ARHGAP15: variants seen among roughly 807,000 people sequenced by gnomAD.
The protein encoded by ARHGAP15 is Rho GTPase activating protein 15.
Under a neutral mutation model 63.7 loss-of-function variants are expected in ARHGAP15, and 51 were observed. The observed-to-expected ratio is 0.80, with a 90% CI of 0.64 to 1.01. ARHGAP15 has a LOEUF of 1.01. Ranked by LOEUF, ARHGAP15 falls within the 50% of genes least tolerant of loss-of-function variation. The pLI, the probability that ARHGAP15 is intolerant of heterozygous loss-of-function variation, is 0.00. For missense variants in ARHGAP15, 560 were observed against 564.6 expected (o/e 0.99, Z 0.08); for synonymous variants, 191 against 193.8 (o/e 0.99, Z 0.12).
intron 9 of ARHGAP15, among the ~76,000 whole-genome samples, chr2:143,497,960 A>G (rs1401261918): frequency 6.6e-6 from 1 of 152,160 alleles, no homozygotes; most frequent in Admixed American, 6.5e-5. Flanking sequence ...AGATATCCTC[A>G]TTAGGGACCC....
At chr2:143,428,019 T>C (rs574711513) in intron 6 of ARHGAP15, among the ~76,000 whole-genome samples, 5 of 152,258 alleles carry the variant, frequency 3.3e-5, no homozygotes, top group African/African-American at 1.2e-4. Context: ...ACAATTGTCA[T>C]TGGCCTCAGG....
chr2:143,233,453 C>T (rs1325021118), intron 5 of ARHGAP15, among the ~76,000 whole-genome samples: 1 of 151,962 alleles, frequency 6.6e-6, no homozygotes, highest in Non-Finnish European at 1.5e-5. Context: ...TTCTTAAAAT[C>T]AAATCACCTG....
intron 6 of ARHGAP15, among the ~76,000 whole-genome samples, chr2:143,267,802 A>G (rs1396586662): frequency 6.6e-6 from 1 of 152,166 alleles, no homozygotes; most frequent in Non-Finnish European, 1.5e-5. Flanking sequence ...GCTGTTGAGT[A>G]TCTTTGTTAT....
At chr2:143,708,228 T>G (rs1263856227) in intron 13 of ARHGAP15, among the ~76,000 whole-genome samples, 1 of 152,204 alleles carries the variant, frequency 6.6e-6, no homozygotes, top group African/African-American at 2.4e-5. Context: ...TGAAGAGTCT[T>G]GCATAGTACT....
chr2:143,393,174 C>T (rs185692982), intron 6 of ARHGAP15, among the ~76,000 whole-genome samples: 2 of 152,220 alleles, frequency 1.3e-5, no homozygotes, highest in East Asian at 1.9e-4. Flanking sequence ...AAGATCTACC[C>T]AGCCAAAGCT....
intron 2 of ARHGAP15, among the ~76,000 whole-genome samples, chr2:143,155,982 C>T (rs1690062744): frequency 1.4e-5 from 2 of 147,452 alleles, no homozygotes; most frequent in African/African-American, 5.0e-5. Context: ...CTTCCAAATA[C>T]AGTACATCAC....
intron 12 of ARHGAP15, among the ~76,000 whole-genome samples, chr2:143,697,784 C>G (rs1683917340): frequency 6.6e-6 from 1 of 152,132 alleles, no homozygotes; most frequent in Non-Finnish European, 1.5e-5. Context: ...AGGTTTGTAT[C>G]CAGTTGTAAG....
intron 2 of ARHGAP15, 96 bp from the exon 3 acceptor site, chr2:143,202,038 G>T: frequency 1.1e-6 from 1 of 927,342 alleles, no homozygotes; most frequent in Non-Finnish European, 1.8e-6. Flanking sequence ...TAATTCACAT[G>T]CTTGAATAAC....
At chr2:143,249,616 A>T (rs1337777616) in intron 5 of ARHGAP15, among the ~76,000 whole-genome samples, 1 of 152,168 alleles carries the variant, frequency 6.6e-6, no homozygotes, top group Non-Finnish European at 1.5e-5. Context: ...AAAAAATAGT[A>T]AAGAAATTCT....
At chr2:143,464,097 A>G (rs1301626290) in intron 8 of ARHGAP15, among the ~76,000 whole-genome samples, 1 of 152,214 alleles carries the variant, frequency 6.6e-6, no homozygotes, top group Non-Finnish European at 1.5e-5. Flanking sequence ...AATGACCTGT[A>G]ATAGTTGGCA....
chr2:143,400,924 T>C (rs1277283194), intron 6 of ARHGAP15, among the ~76,000 whole-genome samples: 2 of 151,998 alleles, frequency 1.3e-5, no homozygotes, highest in East Asian at 3.9e-4. Flanking sequence ...CTCAGTGAAC[T>C]TTTTCATCTC....
At chr2:143,265,530 C>T (rs1247405406) in intron 6 of ARHGAP15, among the ~76,000 whole-genome samples, 2 of 152,020 alleles carry the variant, frequency 1.3e-5, no homozygotes, top group African/African-American at 4.8e-5. Context: ...TTGAAAATGA[C>T]CTTGCACGTT....
At chr2:143,517,769 G>A (rs1280076322) in intron 9 of ARHGAP15, among the ~76,000 whole-genome samples, 1 of 152,146 alleles carries the variant, frequency 6.6e-6, no homozygotes, top group African/African-American at 2.4e-5. Flanking sequence ...GGTAGGAAAG[G>A]CTGCAATAAG....
At chr2:143,348,563 T>C (rs1685407087) in intron 6 of ARHGAP15, among the ~76,000 whole-genome samples, 1 of 152,176 alleles carries the variant, frequency 6.6e-6, no homozygotes, top group Admixed American at 6.6e-5. Context: ...GAGTGCTTTC[T>C]GAAGTGTCAG....
chr2:143,542,575 T>C (rs970465718), intron 10 of ARHGAP15, among the ~76,000 whole-genome samples: 15 of 149,108 alleles, frequency 1.0e-4, no homozygotes, highest in Admixed American at 1.4e-4. Flanking sequence ...TGTGTGTGTG[T>C]GCACATATAT....
At chr2:143,681,578 G>A (rs925572224) in intron 12 of ARHGAP15, among the ~76,000 whole-genome samples, 21 of 152,104 alleles carry the variant, frequency 1.4e-4, no homozygotes, top group South Asian at 2.1e-4. Context: ...AGGTTTGATC[G>A]GAATTTTCTG....
At chr2:143,169,807 G>T (rs953613281) in intron 2 of ARHGAP15, among the ~76,000 whole-genome samples, 2 of 151,404 alleles carry the variant, frequency 1.3e-5, no homozygotes, top group African/African-American at 2.4e-5. Context: ...GGCCAGTGTC[G>T]TAGAGGTAGT....
intron 13 of ARHGAP15, among the ~76,000 whole-genome samples, chr2:143,750,663 T>C (rs1277016874): frequency 6.6e-6 from 1 of 152,114 alleles, no homozygotes; most frequent in Non-Finnish European, 1.5e-5. Flanking sequence ...AATGGTTCTT[T>C]CCCTCCAGTT....
chr2:143,238,549 G>A (rs1693743623), intron 5 of ARHGAP15, among the ~76,000 whole-genome samples: 2 of 152,148 alleles, frequency 1.3e-5, no homozygotes, highest in Admixed American at 1.3e-4. Context: ...AACAACAGGT[G>A]CTGGTGAGGT....
Sources: allele counts gnomAD v4.1 joint callset (sites outside exome capture counted in the v4.1 genomes callset), GRCh38; gene constraint gnomAD v4.1.1; transcripts MANE v1.5; gene names NCBI Gene and HGNC (gene_info 2026-07-23, HGNC 2026-07-21).